The following RNF24 variants were observed in gnomAD, a reference collection of about 807,000 sequenced individuals.
RNF24 encodes ring finger protein 24.
Under a neutral mutation model 20.0 loss-of-function variants are expected in RNF24, and 14 were observed. The observed-to-expected ratio is 0.70, with a 90% confidence interval of 0.46 to 1.10. The LOEUF is 1.10. RNF24 is among the 50% of genes least tolerant of loss of function. The pLI is 0.00. For synonymous variants in RNF24, 45 were observed against 61.1 expected (o/e 0.74, Z 1.23); for missense variants, 124 against 177.6 (o/e 0.70, Z 1.71).
Position 3,927,465 on chromosome 20 carries a change from T to C in RNF24, c.*6598A>G, listed in dbSNP as rs1490830718. On this transcript the variant is annotated 3_prime_UTR_variant, in exon 6 of 6. Coordinates refer to ENST00000358395, the MANE Select transcript of RNF24 (RefSeq NM_001134337.3). ...AAACTGCGAATGTTTAAAAATATTC[T>C]GCTGCAGAATTTTTAGTGTACAAAG... The C allele has an allele frequency of 1.3e-5, 2 of 152,232 alleles. No individual in the cohort carries two copies. The highest frequency in any genetic ancestry group is 2.9e-5 in the Non-Finnish European group (2 of 68,036). 9.4% of individuals were successfully genotyped at this position (152,232 alleles called of 1,614,324 possible).
At chr20:3,952,878 G>A (rs1044314133) in intron 2 of RNF24, among the ~76,000 whole-genome samples, 2 of 151,994 alleles carry the variant, frequency 1.3e-5, no homozygotes, top group Non-Finnish European at 2.9e-5. Flanking sequence ...AACCTCATTT[G>A]GTTGTAATAT....
At chr20:3,990,654 T>C (rs1980351974) in intron 1 of RNF24, among the ~76,000 whole-genome samples, 1 of 152,042 alleles carries the variant, frequency 6.6e-6, no homozygotes, top group Non-Finnish European at 1.5e-5. Context: ...GGCCAGGAGT[T>C]AGAGACCAGC....
chr20:3,982,021 G>A (rs1979429760), intron 1 of RNF24, among the ~76,000 whole-genome samples: 1 of 151,776 alleles, frequency 6.6e-6, no homozygotes, highest in African/African-American at 2.4e-5. Context: ...AGTAGGGTGA[G>A]GTGGGAGGAT....
rs1350174521 is a variant in RNF24 at position 3,930,473 on chromosome 20, A to AC, written c.*3589dup. On this transcript the variant is annotated 3_prime_UTR_variant, in exon 6 of 6. Coordinates refer to ENST00000358395, the MANE Select transcript of RNF24 (RefSeq NM_001134337.3). ...CCTACCAGGCTCTGGGCACCAGCTA[A>AC]CCCCCACAAGAGGTGCCAGGGACGT... 1 of 152,130 alleles carries AC rather than the reference A, an allele frequency of 6.6e-6. No individual in the cohort carries two copies. Among genetic ancestry groups the AC allele is most frequent in the East Asian group, 1.9e-4 (1 of 5,186 alleles). The allele number at this position is 152,130 out of a possible 1,614,324, so 9.4% of individuals were successfully genotyped here.
At chr20:3,996,809 T>C (rs1232703206) in intron 1 of RNF24, among the ~76,000 whole-genome samples, 1 of 152,196 alleles carries the variant, frequency 6.6e-6, no homozygotes, top group African/African-American at 2.4e-5. Context: ...TCAATAAAAA[T>C]GAGGTTTACA....
intron 1 of RNF24, among the ~76,000 whole-genome samples, chr20:3,996,504 TTTTG>T (rs1046430445): frequency 3.9e-5 from 6 of 152,162 alleles, no homozygotes; most frequent in Non-Finnish European, 7.3e-5. Flanking sequence ...TTGGTTTTCC[TTTTG>T]TTTATCATTA....
intron 1 of RNF24, among the ~76,000 whole-genome samples, chr20:4,006,184 C>A (rs1981854693): frequency 1.3e-5 from 2 of 152,090 alleles, no homozygotes; most frequent in African/African-American, 4.8e-5. Context: ...GCCTGGCCAA[C>A]ATGGTGAAAC....
chr20:4,008,321 TTA>T (rs1491395029), intron 1 of RNF24, among the ~76,000 whole-genome samples: 4 of 91,720 alleles, frequency 4.4e-5, no homozygotes, highest in East Asian at 5.1e-4. Flanking sequence ...TATATATATA[TTA>T]TATATATAAT....
intron 1 of RNF24, among the ~76,000 whole-genome samples, chr20:3,989,306 A>G (rs2147043215): frequency 6.6e-6 from 1 of 152,220 alleles, no homozygotes; most frequent in Admixed American, 6.5e-5. Flanking sequence ...CCTGGCTAAC[A>G]TGGTGAAACC....
At chr20:4,010,042 C>A (rs920415493) in intron 1 of RNF24, among the ~76,000 whole-genome samples, 8 of 114,264 alleles carry the variant, frequency 7.0e-5, no homozygotes. Context: ...AAGAGTGAGA[C>A]CCTGTCACAA....
At chr20:4,008,778 C>T (rs1982193993) in intron 1 of RNF24, among the ~76,000 whole-genome samples, 1 of 151,200 alleles carries the variant, frequency 6.6e-6, no homozygotes, top group African/African-American at 2.4e-5. Flanking sequence ...AACTCCTGAC[C>T]TCATGATCCA....
intron 1 of RNF24, among the ~76,000 whole-genome samples, chr20:4,009,568 A>G (rs1337023593): frequency 6.6e-6 from 1 of 152,160 alleles, no homozygotes; most frequent in Admixed American, 6.5e-5. Flanking sequence ...TTTCTGTCTG[A>G]TATCTCCTAA....
intron 2 of RNF24, 120 bp downstream of exon 2, chr20:3,963,755 T>A: frequency 1.4e-6 from 1 of 707,594 alleles, no homozygotes; most frequent in Non-Finnish European, 2.3e-6. Context: ...CGGTAAGCCA[T>A]CTTAATTTTT....
chr20:3,956,264 T>TG (rs202082302), intron 2 of RNF24, among the ~76,000 whole-genome samples: 207 of 141,922 alleles, frequency 1.5e-3, no homozygotes, highest in South Asian at 5.0e-3. Context: ...TGTGTGTGTG[T>TG]TTTTTTTTTT....
chr20:3,983,457 C>T (rs1365343477), intron 1 of RNF24, among the ~76,000 whole-genome samples: 2 of 151,764 alleles, frequency 1.3e-5, no homozygotes, highest in African/African-American at 4.8e-5. Flanking sequence ...GCAGCCTAAC[C>T]TAGAAAAAAT....
intron 1 of RNF24, among the ~76,000 whole-genome samples, chr20:3,966,927 G>A (rs2091265139): frequency 6.6e-6 from 1 of 152,150 alleles, no homozygotes; most frequent in South Asian, 2.1e-4. Context: ...TCACTACCTG[G>A]CAGGGCCTTT....
At chr20:4,008,390 T>TATAA (rs1568672484) in intron 1 of RNF24, among the ~76,000 whole-genome samples, 1 of 23,068 alleles carries the variant, frequency 4.3e-5, no homozygotes, top group African/African-American at 2.0e-4. Flanking sequence ...AATATATATA[T>TATAA]TATATATGTA....
intron 1 of RNF24, among the ~76,000 whole-genome samples, chr20:4,007,754 A>AAAG (rs1982000466): frequency 6.6e-6 from 1 of 150,864 alleles, no homozygotes. Flanking sequence ...AAAAAAAAAA[A>AAAG]AAAGAAAAAA....
In RNF24 at chr20:3,933,440, T is replaced by G; in HGVS notation, c.*623A>C. On this transcript the variant is annotated 3_prime_UTR_variant, in exon 6 of 6. Transcript: ENST00000358395. The stretch of plus-strand genomic sequence containing the variant: ...GAGGAAATGGCTTCTGACTAGGCCT[T>G]TCCAAGCGCATCTCATGTTTTCAGC... 2.8e-6 allele frequency: 1 copy of G among 357,674 alleles called. No individual in the cohort carries two copies. The highest frequency in any genetic ancestry group is 5.0e-6 in the Non-Finnish European group (1 of 200,838). 22.2% of individuals were successfully genotyped at this position (357,674 alleles called of 1,614,324 possible).
Sources: allele counts gnomAD v4.1 joint callset (sites outside exome capture counted in the v4.1 genomes callset), GRCh38; gene constraint gnomAD v4.1.1; transcripts MANE v1.5; gene names NCBI Gene and HGNC (gene_info 2026-07-23, HGNC 2026-07-21).